DDX4: variants seen among roughly 807,000 people sequenced by gnomAD.
DDX4 encodes DEAD-box helicase 4, also known as probable ATP-dependent RNA helicase DDX4.
In DDX4, 25 loss-of-function variants were observed where a neutral mutation model predicts 100.0. The observed-to-expected ratio is 0.25, with a 90% CI of 0.18 to 0.35. DDX4 has a LOEUF of 0.35. Ranked by LOEUF, DDX4 falls within the 10% of genes least tolerant of loss-of-function variation. The pLI, the probability that DDX4 is intolerant of heterozygous loss-of-function variation, is 1.00. For missense variants in DDX4, 635 were observed against 882.4 expected, an observed-to-expected ratio of 0.72 and a Z score of 3.55; for synonymous variants, 259 against 275.7, an observed-to-expected ratio of 0.94 and a Z score of 0.60.
At chr5:55,815,270 A>AT in intron 20 of DDX4, 43 bp from the exon 21 acceptor site, 1 of 1,596,616 alleles carries the variant, frequency 6.3e-7, no homozygotes, top group Non-Finnish European at 8.5e-7. Context: ...CTTTTCCAAT[A>AT]TTTAATACTT....
chr5:55,793,684 T>C (rs563222446), intron 17 of DDX4, among the ~76,000 whole-genome samples: 1 of 152,318 alleles, frequency 6.6e-6, no homozygotes, highest in East Asian at 1.9e-4. Context: ...TAGTGCTTGC[T>C]CTCCTGGATT....
Position 55,763,159 on chromosome 5 carries a change from G to C in DDX4, c.206-16G>C. On this transcript the variant is annotated splice_polypyrimidine_tract_variant and intron_variant, in intron 4 of 21. Transcript: ENST00000505374. ...ATTTTATATGTTAAAGAGTTTAACT[G>C]TCCACCCTTTTTCAGATGCTGGTGA... The C allele has an allele frequency of 6.4e-7, 1 of 1,562,814 alleles. No individual in the cohort carries two copies. Among genetic ancestry groups the C allele is most frequent in the South Asian group, 1.1e-5 (1 of 89,694 alleles).
intron 2 of DDX4, among the ~76,000 whole-genome samples, chr5:55,743,033 G>C (rs1378322449): frequency 2.0e-5 from 3 of 152,088 alleles, no homozygotes; most frequent in Non-Finnish European, 4.4e-5. Flanking sequence ...TGGGGTATTA[G>C]GGCAACAAGA....
chr5:55,755,181 T>C (rs1217599165), intron 3 of DDX4, among the ~76,000 whole-genome samples: 2 of 152,166 alleles, frequency 1.3e-5, no homozygotes, highest in African/African-American at 4.8e-5. Flanking sequence ...CTTAAAGCAT[T>C]GGATAAAATC....
At chr5:55,790,813 G>T (rs1742518878) in intron 16 of DDX4, 108 bp downstream of exon 16, 6 of 917,114 alleles carry the variant, frequency 6.5e-6, no homozygotes, top group Non-Finnish European at 1.0e-5. Context: ...CACTATTTAT[G>T]TGTTAGCCTC....
chr5:55,768,684 G>A (rs556190722), intron 7 of DDX4, among the ~76,000 whole-genome samples: 20 of 152,160 alleles, frequency 1.3e-4, no homozygotes, highest in African/African-American at 3.6e-4. Context: ...TCTGTTTTAC[G>A]TTCTTTGAGA....
Position 55,787,919 on chromosome 5 carries a change from A to G in DDX4, c.1091A>G (p.Gln364Arg). The change falls in exon 15 of 22, where the codon CAG (glutamine) becomes CGG (arginine). Residue 364 changes from glutamine to arginine, a missense_variant. This residue lies in a region of DDX4 where 446 missense variants were observed against 540.8 expected (regional missense o/e 0.82). Transcript: ENST00000505374. The part of the protein sequence containing the change: ...GITASRFKEL[Q>R]EPECIIVAPT... The stretch of plus-strand genomic sequence containing the variant: ...ACTGCCAGTCGTTTTAAAGAGTTGC[A>G]GGAACCAGAGTGTATTATTGTAGCA... The G allele has an allele frequency of 6.2e-7, 1 of 1,613,978 alleles. No homozygotes were observed. Among genetic ancestry groups the G allele is most frequent in the Non-Finnish European group, 8.5e-7 (1 of 1,179,942 alleles).
intron 2 of DDX4, among the ~76,000 whole-genome samples, chr5:55,740,671 A>G (rs1758929066): frequency 1.9e-5 from 1 of 54,046 alleles, no homozygotes; most frequent in Non-Finnish European, 3.3e-5. Flanking sequence ...ACGCCCCGCT[A>G]ATTTTTTTTT....
chr5:55,799,025 T>C (rs1479096705), intron 18 of DDX4, among the ~76,000 whole-genome samples: 1 of 152,160 alleles, frequency 6.6e-6, no homozygotes, highest in Non-Finnish European at 1.5e-5. Context: ...CTTCACAATA[T>C]CTGTGGGAAT....
intron 2 of DDX4, among the ~76,000 whole-genome samples, chr5:55,745,449 G>A (rs982682797): frequency 1.3e-5 from 2 of 151,476 alleles, no homozygotes; most frequent in South Asian, 2.1e-4. Context: ...TTTTTGAGAC[G>A]GTCTTATTCT....
chr5:55,793,162 A>G (rs901890471), intron 17 of DDX4, among the ~76,000 whole-genome samples: 12 of 152,010 alleles, frequency 7.9e-5, no homozygotes, highest in African/African-American at 2.4e-4. Flanking sequence ...ACCTAAATCT[A>G]TAGGATTTGG....
chr5:55,808,478 C>T (rs1052149349), intron 18 of DDX4, among the ~76,000 whole-genome samples: 6 of 152,112 alleles, frequency 3.9e-5, no homozygotes, highest in East Asian at 1.9e-4. Flanking sequence ...ATGATGGTGA[C>T]GTACAGATGG....
At position 55,790,590 on chromosome 5, in the gene DDX4, C is replaced by G; in HGVS notation, c.1187C>G (p.Ala396Gly). ...CTTGTTAATAGGACTTGTGTAAGAGCTGTTGTTATATATGGGGGAACCCAG... is the reference window on the plus strand; with the variant it reads ...CTTGTTAATAGGACTTGTGTAAGAGGTGTTGTTATATATGGGGGAACCCAG... ...RKFSFGTCVR[A>G]VVIYGGTQLG... The change falls in exon 16 of 22, where the codon GCT becomes GGT. Residue 396 changes from alanine to glycine, a missense_variant. By Grantham distance (60) the Ala-to-Gly change is moderately conservative. Coordinates refer to ENST00000505374, the MANE Select transcript of DDX4 (RefSeq NM_024415.3). 6.3e-7 allele frequency: 1 copy of G among 1,594,302 alleles called. No individual in the cohort carries two copies. The highest frequency in any genetic ancestry group is 8.6e-7 in the Non-Finnish European group (1 of 1,162,766).
intron 1 of DDX4, 93 bp downstream of exon 1, chr5:55,738,194 G>C (rs1056017635): frequency 6.6e-6 from 1 of 152,362 alleles, no homozygotes; most frequent in Non-Finnish European, 1.5e-5. Flanking sequence ...GATGGAGTAG[G>C]AGGAGTTTTG....
chr5:55,808,924 C>T, intron 18 of DDX4, among the ~76,000 whole-genome samples: 1 of 152,232 alleles, frequency 6.6e-6, no homozygotes, highest in East Asian at 1.9e-4. Flanking sequence ...GTGGAGTCTA[C>T]AGAGGCAGGC....
intron 6 of DDX4, among the ~76,000 whole-genome samples, chr5:55,764,449 C>T (rs1423231317): frequency 1.3e-5 from 2 of 152,102 alleles, no homozygotes; most frequent in Non-Finnish European, 2.9e-5. Context: ...GAATGTAAAT[C>T]AGTGCTGAAA....
intron 7 of DDX4, among the ~76,000 whole-genome samples, chr5:55,778,030 C>T (rs1479902813): frequency 2.6e-5 from 4 of 152,074 alleles, no homozygotes; most frequent in African/African-American, 7.2e-5. Context: ...GAATCATATA[C>T]TCTAAAATTA....
In DDX4 at chr5:55,776,573, C is replaced by T. The variant is rs146925828; in HGVS notation, c.395-3391C>T. Among the ~76,000 whole-genome samples the T allele has an allele frequency of 2.5e-4, 38 of 152,260 alleles. 2 individuals are homozygous for T. In the East Asian group the frequency reaches 5.8e-3, roughly 23 times the overall value. ...CTTTAGAAGAACATTATATTCACAA[C>T]AGAATTTTCTTCAGTAAAGGTAGAT... On this transcript the variant is annotated intron_variant, in intron 7 of 21. Transcript: ENST00000505374.
chr5:55,752,348 A>C (rs1192465121), intron 3 of DDX4, among the ~76,000 whole-genome samples: 3 of 105,382 alleles, frequency 2.8e-5, no homozygotes, highest in East Asian at 3.1e-4. Flanking sequence ...CCCACCCCAC[A>C]ACAGTCCCCA....
Sources: gnomAD v4.1 joint callset for allele counts (sites outside exome capture counted in the v4.1 genomes callset) on GRCh38, gnomAD v4.1.1 for gene constraint, gnomAD v4.1.1 regional missense constraint, MANE v1.5 for transcripts, NCBI Gene and HGNC (gene_info 2026-07-23, HGNC 2026-07-21) for gene names.